Variants in PPP1R12B observed in about 807,000 individuals in gnomAD.
PPP1R12B encodes protein phosphatase 1 regulatory subunit 12B, also known as myosin phosphatase target subunit 2.
In PPP1R12B, 76 loss-of-function variants were observed where a neutral mutation model predicts 126.1. The ratio of observed to expected loss-of-function variants is 0.60; its 90% CI spans 0.50 to 0.73. The LOEUF (loss-of-function observed/expected upper bound fraction) is 0.73, where lower values mean the gene tolerates loss of function less well. Ranked by LOEUF, PPP1R12B falls within the 30% of genes least tolerant of loss-of-function variation. The probability of loss-of-function intolerance (pLI) is 0.00; values close to 1 mark genes in which losing one functional copy is unlikely to be tolerated. For missense variants in PPP1R12B, 1,052 were observed against 1,205.1 expected (o/e 0.87, Z 1.88); for synonymous variants, 356 against 434.7 (o/e 0.82, Z 2.25).
rs1019374998 is a variant in PPP1R12B at position 202,437,235 on chromosome 1, G to T, written c.1255-586G>T. On this transcript the variant is annotated intron_variant, in intron 9 of 23. Transcript: ENST00000608999. ...TAGTCCCAGCTACTCGGTGGGCTGA[G>T]GGGGAGGATTGCTTGGGCGCAGGAG... is the stretch of plus-strand genomic sequence containing the variant. 4.7e-4 allele frequency among the ~76,000 whole-genome samples: 71 copies of T among 152,096 alleles called. 2 individuals carry two copies. The highest frequency in any genetic ancestry group is 1.7e-3 in the Admixed American group (26 of 15,274).
chr1:202,399,339 G>A (rs186227772), intron 1 of PPP1R12B, among the ~76,000 whole-genome samples: 1 of 152,186 alleles, frequency 6.6e-6, no homozygotes, highest in East Asian at 1.9e-4. Flanking sequence ...CCCTGCCTTA[G>A]CCTCCTATGT....
chr1:202,474,833 T>A (rs1676436156), intron 13 of PPP1R12B, among the ~76,000 whole-genome samples: 1 of 152,226 alleles, frequency 6.6e-6, no homozygotes, highest in African/African-American at 2.4e-5. Flanking sequence ...CATATTGGGC[T>A]GTGCAGGTAT....
At chr1:202,428,061 G>C (rs1669781667) in intron 5 of PPP1R12B, among the ~76,000 whole-genome samples, 1 of 150,254 alleles carries the variant, frequency 6.7e-6, no homozygotes, top group Non-Finnish European at 1.5e-5. Flanking sequence ...TCCCAGCCTT[G>C]CCACTTGTAA....
chr1:202,382,942 A>AT (rs1662576954), intron 1 of PPP1R12B, among the ~76,000 whole-genome samples: 1 of 151,968 alleles, frequency 6.6e-6, no homozygotes, highest in Non-Finnish European at 1.5e-5. Flanking sequence ...TAATATTATT[A>AT]TTTAATAGTG....
rs1172160158 is a variant in PPP1R12B at position 202,591,706 on chromosome 1, G to C, written c.*11146G>C. On this transcript the variant is annotated 3_prime_UTR_variant, in exon 24 of 24. Coordinates refer to ENST00000608999, the MANE Select transcript of PPP1R12B (RefSeq NM_002481.4). Reference sequence around the variant, plus strand: ...CCTGTATTCACCGGCCTCTCCCTGAGTCCCTCCTCCATCACCACCCACAGA... The same window carrying C: ...CCTGTATTCACCGGCCTCTCCCTGACTCCCTCCTCCATCACCACCCACAGA... 1.3e-5 allele frequency: 2 copies of C among 152,486 alleles called. No homozygotes were observed. The highest frequency in any genetic ancestry group is 3.9e-4 in the East Asian group (2 of 5,132). The allele number at this position is 152,486 out of a possible 1,614,324, so 9.4% of individuals were successfully genotyped here. A position where few individuals can be genotyped will look rare whatever the true frequency, so the allele number is the denominator to read the frequency against.
At chr1:202,417,283 T>G (rs1426074263) in intron 2 of PPP1R12B, 8 of 985,332 alleles carry the variant, frequency 8.1e-6, no homozygotes, top group Non-Finnish European at 9.6e-6. Flanking sequence ...TATTTCACTG[T>G]TTTTTTAAAA....
chr1:202,446,866 T>G (rs77059386), intron 12 of PPP1R12B, among the ~76,000 whole-genome samples: 1 of 152,114 alleles, frequency 6.6e-6, no homozygotes, highest in Non-Finnish European at 1.5e-5. Flanking sequence ...CCAGGTTCTT[T>G]CGCTCCACAG....
intron 3 of PPP1R12B, among the ~76,000 whole-genome samples, chr1:202,423,284 A>G (rs985426560): frequency 2.6e-5 from 4 of 152,176 alleles, no homozygotes; most frequent in Non-Finnish European, 4.4e-5. Context: ...GGAATTTTTC[A>G]ACCTGGAAGT....
intron 22 of PPP1R12B, 112 bp downstream of exon 22, chr1:202,567,943 C>A: frequency 1.6e-6 from 2 of 1,249,256 alleles, no homozygotes; most frequent in South Asian, 1.3e-5. Flanking sequence ...GGAGGGAGTT[C>A]TGCCACATTC....
chr1:202,493,110 C>T lies in PPP1R12B; in HGVS notation c.1942-4C>T, dbSNP rs1478399673. The T allele has an allele frequency of 8.1e-6, 13 of 1,611,148 alleles. No individual in the cohort carries two copies. The highest frequency in any genetic ancestry group is 2.7e-5 in the African/African-American group (2 of 74,810). On this transcript the variant is annotated splice_polypyrimidine_tract_variant and splice_region_variant and intron_variant, in intron 14 of 23. Transcript: ENST00000608999. ...ACAGCCCTGATCTTGTGATATTTTC[C>T]CAGGGTGTCACCCTAACAGACCTTC...
intron 1 of PPP1R12B, among the ~76,000 whole-genome samples, chr1:202,398,936 T>C (rs1250716987): frequency 6.6e-6 from 1 of 152,184 alleles, no homozygotes; most frequent in African/African-American, 2.4e-5. Flanking sequence ...TTGGTGGAAA[T>C]TTCACATTTC....
rs767675775 is a variant in PPP1R12B, at chr1:202,580,538, T to A, written c.2927T>A (p.Val976Asp). ...LKDENGALIR[V>D]ISKLSK Reference sequence around the variant, plus strand: ...GATGAAAATGGTGCCCTCATCAGAGTCATCAGCAAACTGTCCAAGTAGGCT... The same window carrying A: ...GATGAAAATGGTGCCCTCATCAGAGACATCAGCAAACTGTCCAAGTAGGCT... The change falls in exon 24 of 24, where the codon GTC becomes GAC. Residue 976 changes from valine to aspartate, a missense_variant. Physicochemically the swap from Val to Asp is radical, Grantham distance 152. Transcript: ENST00000608999. 6.2e-7 allele frequency: 1 copy of A among 1,613,740 alleles called. No homozygotes were observed. The highest frequency in any genetic ancestry group is 2.2e-5 in the East Asian group (1 of 44,858).
At chr1:202,468,050 T>C (rs1164689316) in intron 13 of PPP1R12B, among the ~76,000 whole-genome samples, 1 of 152,142 alleles carries the variant, frequency 6.6e-6, no homozygotes, top group East Asian at 1.9e-4. Flanking sequence ...TCATATCCTT[T>C]GCCCACTTTT....
At chr1:202,367,034 T>TATGAATTAA (rs1287904088) in intron 1 of PPP1R12B, among the ~76,000 whole-genome samples, 1 of 152,176 alleles carries the variant, frequency 6.6e-6, no homozygotes, top group Non-Finnish European at 1.5e-5. Context: ...TAGAGAACTA[T>TATGAATTAA]ATGAATTAAA....
Position 202,575,241 on chromosome 1 carries a change from C to A in PPP1R12B, c.2863-5233C>A. On this transcript the variant is annotated intron_variant, in intron 23 of 23. Transcript: ENST00000608999. ...CTGTGCTCATCCCCTCCATCCGAGC[C>A]TCCATATGCAGGTTCCTGCAAAGCT... 2.1e-6 allele frequency: 3 copies of A among 1,418,510 alleles called. No individual in the cohort carries two copies. In the South Asian group the frequency reaches 4.4e-5, roughly 21 times the overall value. The allele number at this position is 1,418,510 out of a possible 1,614,324, so 87.9% of individuals were successfully genotyped here. A position where few individuals can be genotyped will look rare whatever the true frequency, so the allele number is the denominator to read the frequency against.
In PPP1R12B at chr1:202,580,729, T is replaced by C. The variant is rs80139758; in HGVS notation, c.*169T>C. On this transcript the variant is annotated 3_prime_UTR_variant, in exon 24 of 24. Transcript: ENST00000608999. ...TACACTCTACATTTTCTCTGCACTT[T>C]CAATGCCCTGTTCTTCCAAACCCCT... is the stretch of plus-strand genomic sequence containing the variant. 5.9e-5 allele frequency: 35 copies of C among 590,860 alleles called. No individual in the cohort carries two copies. Among genetic ancestry groups the C allele is most frequent in the East Asian group, 4.3e-4 (15 of 34,756 alleles). The allele number at this position is 590,860 out of a possible 1,614,324, so 36.6% of individuals were successfully genotyped here.
At chr1:202,430,667 A>G (rs1571977706) in intron 6 of PPP1R12B, 64 bp from the exon 7 acceptor site, 8 of 1,586,066 alleles carry the variant, frequency 5.0e-6, no homozygotes, top group East Asian at 4.5e-5. Context: ...TTGGTTCTCA[A>G]TACTGCTGAT....
intron 15 of PPP1R12B, among the ~76,000 whole-genome samples, chr1:202,493,876 A>G (rs1467458079): frequency 6.6e-6 from 1 of 152,222 alleles, no homozygotes; most frequent in Non-Finnish European, 1.5e-5. Flanking sequence ...TCAAACTCTT[A>G]TAAACCTAAG....
At chr1:202,544,948 A>T (rs1685500390) in intron 18 of PPP1R12B, among the ~76,000 whole-genome samples, 1 of 152,250 alleles carries the variant, frequency 6.6e-6, no homozygotes, top group African/African-American at 2.4e-5. Context: ...TTTGCCTTCC[A>T]GACTGTCAGT....
Sources: gnomAD v4.1 joint callset for allele counts (sites outside exome capture counted in the v4.1 genomes callset) on GRCh38, gnomAD v4.1.1 for gene constraint, MANE v1.5 for transcripts, NCBI Gene and HGNC (gene_info 2026-07-23, HGNC 2026-07-21) for gene names.